Variants in GRID1 observed in about 807,000 individuals in gnomAD.
GRID1 encodes the protein glutamate receptor ionotropic, delta-1.
Under a neutral mutation model 98.0 loss-of-function variants are expected in GRID1, and 28 were observed. That is an observed-to-expected ratio of 0.29 (90% CI 0.21 to 0.39). The LOEUF (loss-of-function observed/expected upper bound fraction) is 0.39. GRID1 is among the 10% of genes least tolerant of loss of function. The probability of loss-of-function intolerance (pLI) is 1.00; values close to 1 mark genes in which losing one functional copy is unlikely to be tolerated. For missense variants in GRID1, 1,111 were observed against 1,340.5 expected, an observed-to-expected ratio of 0.83 and a Z score of 2.67; for synonymous variants, 553 against 538.5, an observed-to-expected ratio of 1.03 and a Z score of -0.37.
rs199826622 is a variant in GRID1 at position 85,788,056 on chromosome 10, A to T, written c.1234-58442T>A. Among the ~76,000 whole-genome samples the T allele has an allele frequency of 5.8e-4, 69 of 118,234 alleles. No individual in the cohort carries two copies. The East Asian group carries it at 0.014, about 25-fold the overall frequency. The allele number at this position is 118,234 out of a possible 152,430, so 77.6% of individuals were successfully genotyped here. On this transcript the variant is annotated intron_variant, in intron 8 of 15. Transcript: ENST00000327946. ...CCCTCTGGAGACTATAAACTTCACA[A>T]AAAAAAAAAGAAAAGAAAAGAAAAA...
intron 4 of GRID1, among the ~76,000 whole-genome samples, chr10:85,976,759 T>G (rs1002601969): frequency 2.0e-5 from 3 of 152,202 alleles, no homozygotes; most frequent in African/African-American, 7.2e-5. Flanking sequence ...GCTTACCTGT[T>G]TCCCTCTGTG....
chr10:86,224,326 C>T (rs1846307154), intron 2 of GRID1, among the ~76,000 whole-genome samples: 1 of 152,198 alleles, frequency 6.6e-6, no homozygotes, highest in Admixed American at 6.5e-5. Flanking sequence ...TAAGCCTCCT[C>T]CTCCCCCAGT....
intron 2 of GRID1, among the ~76,000 whole-genome samples, chr10:86,249,570 T>G (rs528671393): frequency 1.3e-5 from 2 of 152,134 alleles, no homozygotes; most frequent in South Asian, 4.2e-4. Context: ...CCACCTCCAT[T>G]TGTCTTCCAC....
intron 4 of GRID1, among the ~76,000 whole-genome samples, chr10:85,956,175 T>G (rs1205415097): frequency 1.3e-5 from 2 of 152,224 alleles, no homozygotes; most frequent in Non-Finnish European, 2.9e-5. Context: ...CTTATTTTAA[T>G]TTTAACCCAA....
chr10:86,203,600 A>AT (rs1325222307), intron 3 of GRID1, among the ~76,000 whole-genome samples: 1 of 151,650 alleles, frequency 6.6e-6, no homozygotes, highest in Non-Finnish European at 1.5e-5. Flanking sequence ...CAGGAGGCCG[A>AT]TGACCAGGGC....
chr10:86,225,733 C>A lies in GRID1; in HGVS notation c.236-19085G>T, dbSNP rs116519997. ...TCAGAAACTTAGAGGTCCCCCAGCT[C>A]TTTGGGTGACAGGACCCTTTTATAA... On this transcript the variant is annotated intron_variant, in intron 2 of 15. Coordinates refer to ENST00000327946, the MANE Select transcript of GRID1 (RefSeq NM_017551.3). Among the ~76,000 whole-genome samples, 1,411 of 152,312 alleles carry A rather than the reference C, an allele frequency of 9.3e-3. 20 individuals are homozygous for A. Among genetic ancestry groups the A allele is most frequent in the Middle Eastern group, 0.031 (9 of 294 alleles).
intron 3 of GRID1, among the ~76,000 whole-genome samples, chr10:86,182,688 G>A (rs1030284286): frequency 2.0e-5 from 3 of 152,172 alleles, no homozygotes. Flanking sequence ...AGGACTATTC[G>A]TTGAAACTGC....
At chr10:86,089,433 G>C (rs1844112000) in intron 4 of GRID1, among the ~76,000 whole-genome samples, 1 of 152,140 alleles carries the variant, frequency 6.6e-6, no homozygotes, top group Non-Finnish European at 1.5e-5. Context: ...CCCCTCACCA[G>C]AGTAGTATCA....
In GRID1 at chr10:85,753,771, C is replaced by T. The variant is rs572645402; in HGVS notation, c.1234-24157G>A. Among the ~76,000 whole-genome samples, 56 of 152,318 alleles carry T rather than the reference C, an allele frequency of 3.7e-4. No individual in the cohort carries two copies. The South Asian group carries it at 8.7e-3, about 24-fold the overall frequency. ...AAAACTGTCTCAGGACAGCCTCCCA[C>T]GGGGAATAGGAAGGGGAGTGGGAGA... On this transcript the variant is annotated intron_variant, in intron 8 of 15. Coordinates refer to ENST00000327946, the MANE Select transcript of GRID1 (RefSeq NM_017551.3).
chr10:85,732,470 C>T (rs1467492941), intron 8 of GRID1, among the ~76,000 whole-genome samples: 1 of 152,172 alleles, frequency 6.6e-6, no homozygotes, highest in Non-Finnish European at 1.5e-5. Context: ...TCTTGATCAA[C>T]AAGGCTTTAC....
At chr10:86,141,691 T>C (rs1314827182) in intron 3 of GRID1, among the ~76,000 whole-genome samples, 2 of 152,190 alleles carry the variant, frequency 1.3e-5, no homozygotes, top group African/African-American at 2.4e-5. Context: ...CATGCTCAGC[T>C]CCTCAGGTGC....
At chr10:86,046,693 G>T (rs1273948606) in intron 4 of GRID1, among the ~76,000 whole-genome samples, 6 of 152,104 alleles carry the variant, frequency 3.9e-5, no homozygotes, top group Admixed American at 3.3e-4. Context: ...AGGAAGAAGG[G>T]ATTGTTATCT....
chr10:85,636,755 A>T (rs1843048323), intron 13 of GRID1, among the ~76,000 whole-genome samples: 1 of 152,334 alleles, frequency 6.6e-6, no homozygotes, highest in African/African-American at 2.4e-5. Flanking sequence ...TCCACTGACA[A>T]ATAAATATTC....
chr10:85,678,066 T>C (rs1342699379), intron 12 of GRID1, among the ~76,000 whole-genome samples: 5 of 152,154 alleles, frequency 3.3e-5, no homozygotes, highest in Non-Finnish European at 7.4e-5. Context: ...ATCTCATTTC[T>C]TCACCACCAG....
At chr10:86,063,394 G>A (rs1279797172) in intron 4 of GRID1, among the ~76,000 whole-genome samples, 1 of 152,178 alleles carries the variant, frequency 6.6e-6, no homozygotes, top group Admixed American at 6.5e-5. Context: ...GCCAGAACGG[G>A]AACCTGAGAG....
chr10:85,766,964 T>C (rs1427243423), intron 8 of GRID1, among the ~76,000 whole-genome samples: 2 of 152,208 alleles, frequency 1.3e-5, no homozygotes, highest in African/African-American at 4.8e-5. Flanking sequence ...TGTGTGTAAC[T>C]AGAGGGGAAG....
chr10:86,053,532 T>C (rs546582761), intron 4 of GRID1, among the ~76,000 whole-genome samples: 62 of 151,938 alleles, frequency 4.1e-4, no homozygotes, highest in Non-Finnish European at 8.2e-4. Flanking sequence ...CTAATTTTTT[T>C]TGTATTTTTA....
At chr10:85,874,978 G>T (rs184005198) in intron 5 of GRID1, among the ~76,000 whole-genome samples, 3 of 152,238 alleles carry the variant, frequency 2.0e-5, no homozygotes, top group Non-Finnish European at 4.4e-5. Context: ...CAATTCTCCT[G>T]TCTCAGCCTC....
intron 12 of GRID1, among the ~76,000 whole-genome samples, chr10:85,718,906 T>C (rs1191086099): frequency 6.6e-6 from 1 of 152,238 alleles, no homozygotes; most frequent in Non-Finnish European, 1.5e-5. Flanking sequence ...TCTACTGCTT[T>C]GTCAGGCAGC....
Sources: allele counts gnomAD v4.1 joint callset (sites outside exome capture counted in the v4.1 genomes callset), GRCh38; gene constraint gnomAD v4.1.1; transcripts MANE v1.5; gene names NCBI Gene and HGNC (gene_info 2026-07-23, HGNC 2026-07-21).